Variants in HMCES observed in about 807,000 individuals in gnomAD.
HMCES encodes the protein abasic site processing protein HMCES.
In HMCES, 27 loss-of-function variants were observed where a neutral mutation model predicts 35.1. The ratio of observed to expected loss-of-function variants is 0.77; its 90% confidence interval spans 0.57 to 1.06. The LOEUF (loss-of-function observed/expected upper bound fraction) is 1.06, where lower values mean the gene tolerates loss of function less well. Among genes scored for constraint, HMCES ranks in the 50% least tolerant of loss-of-function variants. The pLI is 0.00. For synonymous variants in HMCES, 130 were observed against 154.7 expected, an observed-to-expected ratio of 0.84 and a Z score of 1.18; for missense variants, 391 against 430.4, an observed-to-expected ratio of 0.91 and a Z score of 0.81.
intron 4 of HMCES, among the ~76,000 whole-genome samples, chr3:129,293,864 TG>T (rs2071056355): frequency 6.6e-6 from 1 of 152,144 alleles, no homozygotes; most frequent in Non-Finnish European, 1.5e-5. Flanking sequence ...CTACTGCGCC[TG>T]GACTTGAACT....
At chr3:129,298,579 A>T (rs765887961) in intron 5 of HMCES, 44 bp downstream of exon 5, 3 of 1,557,928 alleles carry the variant, frequency 1.9e-6, no homozygotes, top group Non-Finnish European at 2.6e-6. Context: ...GATCCAAAAG[A>T]TGATTTGTCC....
intron 6 of HMCES, among the ~76,000 whole-genome samples, chr3:129,302,757 TA>T (rs1201200322): frequency 6.6e-6 from 1 of 151,880 alleles, no homozygotes; most frequent in Admixed American, 6.6e-5. Context: ...CTCATGCCTG[TA>T]ATGCCAGCAC....
At chr3:129,291,304 A>G (rs1267112447) in intron 4 of HMCES, among the ~76,000 whole-genome samples, 1 of 152,218 alleles carries the variant, frequency 6.6e-6, no homozygotes, top group Non-Finnish European at 1.5e-5. Flanking sequence ...AGTATGTTCA[A>G]AGTATGCAAT....
intron 4 of HMCES, among the ~76,000 whole-genome samples, chr3:129,294,831 T>C (rs1327166591): frequency 6.6e-6 from 1 of 152,136 alleles, no homozygotes; most frequent in Non-Finnish European, 1.5e-5. Flanking sequence ...TGATTTTTTT[T>C]TTGTCTGAAA....
intron 3 of HMCES, 77 bp downstream of exon 3, chr3:129,289,074 A>G: frequency 8.6e-7 from 1 of 1,166,072 alleles, no homozygotes; most frequent in Non-Finnish European, 1.2e-6. Flanking sequence ...CCTAGCCTAC[A>G]GAGGACAACC....
At chr3:129,303,596 A>T (rs1480880837) in intron 6 of HMCES, among the ~76,000 whole-genome samples, 1 of 152,242 alleles carries the variant, frequency 6.6e-6, no homozygotes, top group Non-Finnish European at 1.5e-5. Context: ...GAAATGTACC[A>T]ACAAGCATTT....
chr3:129,282,217 G>A (rs566562553), intron 2 of HMCES, among the ~76,000 whole-genome samples: 17 of 151,580 alleles, frequency 1.1e-4, no homozygotes, highest in Admixed American at 3.3e-4. Context: ...TAGCACTTTG[G>A]GGGAGGCTGA....
rs745864221 is a variant in HMCES, at chr3:129,288,848, T to A, written c.184-6T>A. 6.6e-7 allele frequency: 1 copy of A among 1,505,000 alleles called. No individual in the cohort carries two copies. Among genetic ancestry groups the A allele is most frequent in the Non-Finnish European group, 9.0e-7 (1 of 1,107,060 alleles). 93.2% of individuals were successfully genotyped at this position (1,505,000 alleles called of 1,614,324 possible). A position where few individuals can be genotyped will look rare whatever the true frequency, so the allele number is the denominator to read the frequency against. On this transcript the variant is annotated splice_polypyrimidine_tract_variant and splice_region_variant and intron_variant, in intron 2 of 6. Coordinates refer to ENST00000383463, the MANE Select transcript of HMCES (RefSeq NM_020187.3). ...ATCTCCTCACTAGATCTTCTCTCCG[T>A]GGCAGGATGCAGACTCATCTGAGCG...
chr3:129,298,863 G>A (rs1192116143), intron 5 of HMCES, among the ~76,000 whole-genome samples: 1 of 152,208 alleles, frequency 6.6e-6, no homozygotes, highest in Non-Finnish European at 1.5e-5. Context: ...AAATACTACA[G>A]GCTGAGCACG....
chr3:129,284,750 T>TA (rs1940588702), intron 2 of HMCES, among the ~76,000 whole-genome samples: 1 of 152,186 alleles, frequency 6.6e-6, no homozygotes, highest in East Asian at 1.9e-4. Context: ...CTGTCTCTAC[T>TA]AAAAATACAA....
At chr3:129,281,796 G>A (rs187844876) in intron 2 of HMCES, among the ~76,000 whole-genome samples, 105 of 151,648 alleles carry the variant, frequency 6.9e-4, no homozygotes, top group Middle Eastern at 3.4e-3. Context: ...TTGAGGTCAC[G>A]AGTTTGAGAT....
chr3:129,301,835 G>T, intron 5 of HMCES, 115 bp from the exon 6 acceptor site: 1 of 833,880 alleles, frequency 1.2e-6, no homozygotes. Flanking sequence ...GAGGCGCAGA[G>T]GGAGGGCAAG....
chr3:129,279,570 G>GGACTTTTTGGGGAA lies in HMCES; in HGVS notation c.-23-133_-23-120dup, dbSNP rs1425744851. 9 of 808,288 alleles carry GGACTTTTTGGGGAA rather than the reference G, an allele frequency of 1.1e-5. No individual in the cohort carries two copies. The highest frequency in any genetic ancestry group is 1.7e-5 in the African/African-American group (1 of 57,272). 50.1% of individuals were successfully genotyped at this position (808,288 alleles called of 1,614,324 possible). ...AAACGGGCACATCCTTGTCTTTGTG[G>GGACTTTTTGGGGAA]GACTTTTTGGGGAAGACTTTAGACG... is the stretch of plus-strand genomic sequence containing the variant. On this transcript the variant is annotated intron_variant, in intron 1 of 6. Coordinates refer to ENST00000383463, the MANE Select transcript of HMCES (RefSeq NM_020187.3). The surrounding 1 kb of genome is among the most constrained non-coding windows in gnomAD (Gnocchi z 4.2).
chr3:129,298,373 C>G lies in HMCES; in HGVS notation c.473C>G (p.Ala158Gly). 1 of 1,614,200 alleles carries G rather than the reference C, an allele frequency of 6.2e-7. No individual in the cohort carries two copies. The highest frequency in any genetic ancestry group is 8.5e-7 in the Non-Finnish European group (1 of 1,180,034). ...KTEKSGSIGA[A>G]DSPENWEKVW... ...TTCCAGTCAGGTAGCATTGGTGCTG[C>G]AGATAGTCCTGAGAACTGGGAGAAA... The change falls in exon 5 of 7, where the codon GCA (alanine) becomes GGA (glycine). Residue 158 changes from alanine to glycine, a missense_variant. Transcript: ENST00000383463.
chr3:129,300,080 AT>A (rs138115809), intron 5 of HMCES, among the ~76,000 whole-genome samples: 4,102 of 151,450 alleles, frequency 0.027, 140 homozygotes, highest in East Asian at 0.11. Context: ...TCTTTTCAAT[AT>A]TTAAAATGTC....
intron 2 of HMCES, among the ~76,000 whole-genome samples, chr3:129,282,939 A>G (rs538814175): frequency 2.4e-4 from 36 of 152,272 alleles, no homozygotes; most frequent in South Asian, 1.7e-3. Flanking sequence ...TACAGTTGTC[A>G]AGGGTACACT....
intron 2 of HMCES, among the ~76,000 whole-genome samples, chr3:129,285,886 C>T (rs762321457): frequency 1.6e-4 from 25 of 152,170 alleles, no homozygotes; most frequent in Non-Finnish European, 2.4e-4. Context: ...CACGCCACCA[C>T]ACCCAGCTAA....
intron 2 of HMCES, among the ~76,000 whole-genome samples, chr3:129,283,863 T>A (rs2107685982): frequency 6.6e-6 from 1 of 152,222 alleles, no homozygotes; most frequent in South Asian, 2.1e-4. Context: ...GCTCAAGGGA[T>A]CCTCCCCACT....
intron 5 of HMCES, 34 bp downstream of exon 5, chr3:129,298,569 G>T: frequency 1.3e-6 from 2 of 1,581,388 alleles, no homozygotes; most frequent in Non-Finnish European, 1.7e-6. Context: ...GATCCAAAAG[G>T]ATCCAAAAGA....
Sources: allele counts gnomAD v4.1 joint callset (sites outside exome capture counted in the v4.1 genomes callset), GRCh38; gene constraint gnomAD v4.1.1; non-coding constraint Gnocchi (gnomAD v3.1); transcripts MANE v1.5; gene names NCBI Gene and HGNC (gene_info 2026-07-23, HGNC 2026-07-21).